The following MEIOC variants were observed in gnomAD, a reference collection of about 807,000 sequenced individuals.
MEIOC encodes the protein meiosis specific with coiled-coil domain, also known as meiosis-specific coiled-coil domain-containing protein MEIOC.
A neutral mutation model predicts 85.3 loss-of-function variants in MEIOC; 9 were observed. The ratio of observed to expected loss-of-function variants is 0.11; its 90% CI spans 0.06 to 0.18. MEIOC has a LOEUF of 0.18. Among genes scored for constraint, MEIOC ranks in the 10% least tolerant of loss-of-function variants. MEIOC has a pLI of 1.00. For synonymous variants in MEIOC, 365 were observed against 393.7 expected (o/e 0.93, Z 0.86); for missense variants, 898 against 1,129.4 (o/e 0.80, Z 2.94).
At position 44,662,482 on chromosome 17, in the gene MEIOC, T is replaced by C. The variant is rs759089226; in HGVS notation, c.359+11T>C. The C allele has an allele frequency of 9.9e-4, 1,480 of 1,498,918 alleles. No homozygotes were observed. The highest frequency in any genetic ancestry group is 1.2e-3 in the Non-Finnish European group (1,392 of 1,116,066). 92.9% of individuals were successfully genotyped at this position (1,498,918 alleles called of 1,614,324 possible). ...CAGTATAAAGAACAGGTAAATTAAT[T>C]CATTTCTCAAGGTAATTGAGGTATT... On this transcript the variant is annotated intron_variant, in intron 3 of 7. Coordinates refer to ENST00000409122, the MANE Select transcript of MEIOC (RefSeq NM_001145080.3).
Position 44,666,721 on chromosome 17 carries a change from T to A in MEIOC, c.810T>A (p.Phe270Leu). 1 of 1,613,356 alleles carries A rather than the reference T, an allele frequency of 6.2e-7. No homozygotes were observed. Among genetic ancestry groups the A allele is most frequent in the Non-Finnish European group, 8.5e-7 (1 of 1,179,652 alleles). The change falls in exon 5 of 8, where the codon TTT (phenylalanine) becomes TTA (leucine). Residue 270 changes from phenylalanine to leucine, a missense_variant. By Grantham distance (22) the Phe-to-Leu change is conservative. This residue lies in a region of MEIOC where 734 missense variants were observed against 860.1 expected (regional missense o/e 0.85). Coordinates refer to ENST00000409122, the MANE Select transcript of MEIOC (RefSeq NM_001145080.3). ...AATATCCACTTATCAAAAACTGTTT[T>A]ACACCCCAAACTGGTCTGTCTGATA... ...FQEYPLIKNCFTPQTGLSDIM... is the reference protein window; with the variant it reads ...FQEYPLIKNCLTPQTGLSDIM...
intron 4 of MEIOC, among the ~76,000 whole-genome samples, chr17:44,665,865 T>C (rs2144665367): frequency 6.6e-6 from 1 of 152,288 alleles, no homozygotes; most frequent in Non-Finnish European, 1.5e-5. Context: ...TGTTAGAAAA[T>C]TTTGTAATGT....
chr17:44,659,421 T>TG (rs1466914820), intron 2 of MEIOC, among the ~76,000 whole-genome samples: 1 of 152,234 alleles, frequency 6.6e-6, no homozygotes, highest in African/African-American at 2.4e-5. Context: ...TGATACATTT[T>TG]AAAGTTAATC....
At chr17:44,670,557 T>TTTTTTTTTTTTTTTTG (rs1971990932) in intron 6 of MEIOC, 1 of 144,552 alleles carries the variant, frequency 6.9e-6, no homozygotes, top group African/African-American at 2.5e-5. Context: ...TTTTTTTTTT[T>TTTTTTTTTTTTTTTTG]TGAGGCGGGT....
In MEIOC at chr17:44,656,648, C is replaced by T. The variant is rs1971759819; in HGVS notation, c.35C>T (p.Pro12Leu). The change falls in exon 1 of 8, where the codon CCT becomes CTT. Residue 12 changes from proline (P) to leucine (L), a missense_variant. Pro to Leu is a moderately conservative substitution (Grantham distance 98, BLOSUM62 -3). Transcript: ENST00000409122. ...EVRRGDTCPR[P>L]HPSGLREEGL... ...AGACGCGGAGACACCTGCCCGCGCC[C>T]TCACCCCTCAGGCCTGAGGGAGGAA... is the stretch of plus-strand genomic sequence containing the variant. 5.4e-6 allele frequency: 8 copies of T among 1,489,892 alleles called. No individual in the cohort carries two copies. The highest frequency in any genetic ancestry group is 7.1e-6 in the Non-Finnish European group (8 of 1,119,218). The allele number at this position is 1,489,892 out of a possible 1,614,324, so 92.3% of individuals were successfully genotyped here.
rs768551267 is a variant in MEIOC, at chr17:44,674,179, GAAAC to G, written c.2852_2855del (p.Lys951IlefsTer13). 1.5e-5 allele frequency: 23 copies of G among 1,550,584 alleles called. No individual in the cohort carries two copies. Among genetic ancestry groups the G allele is most frequent in the African/African-American group, 4.1e-5 (3 of 73,004 alleles). On this transcript the variant is annotated frameshift_variant, in exon 8 of 8. Transcript: ENST00000409122. LOFTEE classifies it high-confidence loss of function. The stretch of plus-strand genomic sequence containing the variant: ...TAGCAATCCAATGAACCAGAGAGGT[GAAAC>G]AAACAAACATTAAGGAAATGCCAGC...
chr17:44,666,641 C>T lies in MEIOC; in HGVS notation c.730C>T (p.His244Tyr). Reference protein sequence around the residue: ...EQWMYPSRSDHSNCHNIQTND... With the variant: ...EQWMYPSRSDYSNCHNIQTND... ...ATGGATGTACCCCTCACGAAGTGATCATTCTAACTGTCACAATATTCAGAC... is the reference window on the plus strand; with the variant it reads ...ATGGATGTACCCCTCACGAAGTGATTATTCTAACTGTCACAATATTCAGAC... The change falls in exon 5 of 8, where the codon CAT (histidine) becomes TAT (tyrosine). Residue 244 changes from histidine (H) to tyrosine (Y), a missense_variant. His to Tyr is a moderately conservative substitution (Grantham distance 83). Around this residue, in one of 2 missense-constraint regions of MEIOC, gnomAD observed 734 missense variants for 860.1 expected, o/e 0.85. Transcript: ENST00000409122. The T allele has an allele frequency of 6.2e-7, 1 of 1,611,582 alleles. No homozygotes were observed. The highest frequency in any genetic ancestry group is 8.5e-7 in the Non-Finnish European group (1 of 1,178,674).
Position 44,673,405 on chromosome 17 carries a change from TCTC to T in MEIOC, c.2498_2500del (p.Ser833_Leu834delinsPhe), listed in dbSNP as rs2144677900. 1 of 1,549,176 alleles carries T rather than the reference TCTC, an allele frequency of 6.5e-7. No individual in the cohort carries two copies. Among genetic ancestry groups the T allele is most frequent in the East Asian group, 2.5e-5 (1 of 40,694 alleles). On this transcript the variant is annotated inframe_deletion, in exon 7 of 8. Coordinates refer to ENST00000409122, the MANE Select transcript of MEIOC (RefSeq NM_001145080.3). ...AGGCAAAATGGAACGTCTTCGGAGT[TCTC>T]TTCTTCATGCCAGTATCTCTACTGC...
At chr17:44,671,536 G>C (rs1234616855) in intron 6 of MEIOC, among the ~76,000 whole-genome samples, 1 of 147,752 alleles carries the variant, frequency 6.8e-6, no homozygotes, top group Non-Finnish European at 1.5e-5. Context: ...GGACAGAGTG[G>C]GACCCTGTCT....
intron 2 of MEIOC, among the ~76,000 whole-genome samples, chr17:44,661,288 C>CAAAA (rs1186351387): frequency 9.2e-5 from 5 of 54,220 alleles, no homozygotes; most frequent in Admixed American, 2.6e-4. Flanking sequence ...ACTCTTGTCT[C>CAAAA]AAAAAAAAAA....
intron 3 of MEIOC, 163 bp from the exon 4 acceptor site, chr17:44,665,221 T>C: frequency 1.0e-5 from 10 of 980,950 alleles, no homozygotes; most frequent in Non-Finnish European, 1.2e-5. Context: ...CATAAAAATA[T>C]TTATGTAGAA....
In MEIOC at chr17:44,674,107, C is replaced by G. The variant is rs1347638345; in HGVS notation, c.2770C>G (p.Gln924Glu). ...ASTADVVKPL[Q>E]DTVNCEDKVH... Reference sequence around the variant, plus strand: ...TACAGCTGATGTGGTAAAGCCTTTACAAGATACAGTAAACTGTGAAGATAA... The same window carrying G: ...TACAGCTGATGTGGTAAAGCCTTTAGAAGATACAGTAAACTGTGAAGATAA... Residue 924 changes from glutamine (Q) to glutamate (E), a missense_variant, in exon 8 of 8, where the codon CAA becomes GAA. Gln to Glu is a conservative substitution (Grantham distance 29). Coordinates refer to ENST00000409122, the MANE Select transcript of MEIOC (RefSeq NM_001145080.3). The G allele has an allele frequency of 5.2e-6, 8 of 1,551,570 alleles. No homozygotes were observed. The highest frequency in any genetic ancestry group is 7.0e-6 in the Non-Finnish European group (8 of 1,146,972).
chr17:44,657,228 C>T lies in MEIOC; in HGVS notation c.171C>T (p.Gly57=), dbSNP rs1255962294. Reference sequence around the variant, plus strand: ...TCTTCGGCAGCGTGATGTTGACTGGCTCCGCTTCCTTCTACGATTGCTACA... The same window carrying T: ...TCTTCGGCAGCGTGATGTTGACTGGTTCCGCTTCCTTCTACGATTGCTACA... ...TDVFGSVMLT[G]SASFYDCYTS... Residue 57 remains glycine (G), a synonymous_variant, in exon 2 of 8, where the codon GGC becomes GGT. Coordinates refer to ENST00000409122, the MANE Select transcript of MEIOC (RefSeq NM_001145080.3). 5.2e-6 allele frequency: 8 copies of T among 1,552,000 alleles called. No individual in the cohort carries two copies. In the East Asian group the frequency reaches 1.7e-4, roughly 33 times the overall value.
intron 5 of MEIOC, 56 bp from the exon 6 acceptor site, chr17:44,669,327 A>C: frequency 7.3e-7 from 1 of 1,375,536 alleles, no homozygotes; most frequent in Non-Finnish European, 1.0e-6. Context: ...ACTATTATTC[A>C]TGGTCGAATC....
intron 2 of MEIOC, among the ~76,000 whole-genome samples, chr17:44,657,523 C>T (rs902480086): frequency 2.6e-5 from 4 of 151,652 alleles, no homozygotes; most frequent in African/African-American, 9.7e-5. Flanking sequence ...CACGCGCCAC[C>T]ACGCCCGGCT....
chr17:44,666,247 G>C, intron 4 of MEIOC, 129 bp from the exon 5 acceptor site: 1 of 727,144 alleles, frequency 1.4e-6, no homozygotes, highest in East Asian at 2.7e-5. Flanking sequence ...ATAAAGCAGA[G>C]TTGAAAGGGA....
In MEIOC at chr17:44,673,455, T is replaced by C. The variant is rs1293657733; in HGVS notation, c.2547T>C (p.Ser849=). ...CTGCTCTTGATAGACACTTGGAGTC[T>C]ATTCACATTGTACAGTCACGTAGAA... The part of the protein sequence containing the change: ...ISTALDRHLE[S]IHIVQSRRKD... The change falls in exon 7 of 8, where the codon TCT becomes TCC. Residue 849 remains serine, a synonymous_variant. Coordinates refer to ENST00000409122, the MANE Select transcript of MEIOC (RefSeq NM_001145080.3). The C allele has an allele frequency of 6.4e-7, 1 of 1,551,788 alleles. No individual in the cohort carries two copies. The highest frequency in any genetic ancestry group is 2.4e-5 in the East Asian group (1 of 40,902).
chr17:44,676,716 G>C (rs1972080597), downstream of MEIOC, among the ~76,000 whole-genome samples: 1 of 152,154 alleles, frequency 6.6e-6, no homozygotes, highest in South Asian at 2.1e-4. Context: ...CAGCTACTTG[G>C]GAGGGGGAGG....
chr17:44,673,559 A>G lies in MEIOC; in HGVS notation c.2638+13A>G, dbSNP rs1263050554. The G allele has an allele frequency of 6.5e-7, 1 of 1,529,120 alleles. No individual in the cohort carries two copies. Among genetic ancestry groups the G allele is most frequent in the Non-Finnish European group, 8.8e-7 (1 of 1,136,276 alleles). 94.7% of individuals were successfully genotyped at this position (1,529,120 alleles called of 1,614,324 possible). A position where few individuals can be genotyped will look rare whatever the true frequency, so the allele number is the denominator to read the frequency against. On this transcript the variant is annotated intron_variant, in intron 7 of 7. Transcript: ENST00000409122. ...CAAGATGACAGAGGTACAAATATTA[A>G]TGCATATTCTTGTGATAAGTCAGTG...
Sources: gnomAD v4.1 joint callset for allele counts (sites outside exome capture counted in the v4.1 genomes callset) on GRCh38, gnomAD v4.1.1 for gene constraint, gnomAD v4.1.1 regional missense constraint, MANE v1.5 for transcripts, NCBI Gene and HGNC (gene_info 2026-07-23, HGNC 2026-07-21) for gene names.